WDR86: variants seen among roughly 807,000 people sequenced by gnomAD.
WDR86 encodes the protein WD repeat domain 86.
WDR86 carries 30 observed loss-of-function variants against 36.5 expected under a neutral mutation model. The ratio of observed to expected loss-of-function variants is 0.82; its 90% confidence interval spans 0.61 to 1.11. WDR86 has a LOEUF of 1.11. Among genes scored for constraint, WDR86 ranks in the 50% most tolerant of loss-of-function variants. WDR86 has a pLI of 0.00. For missense variants in WDR86, 545 were observed against 561.2 expected (o/e 0.97, Z 0.29); for synonymous variants, 255 against 252.9 (o/e 1.01, Z -0.08).
intron 1 of WDR86, among the ~76,000 whole-genome samples, chr7:151,402,071 A>AAAAAAAT (rs1800373830): frequency 4.4e-5 from 2 of 45,480 alleles, no homozygotes; most frequent in South Asian, 1.2e-3. Flanking sequence ...AAAAAAAAAA[A>AAAAAAAT]TATATATATA....
At position 151,381,994 on chromosome 7, in the gene WDR86, A is replaced by G. The variant is rs367996875; in HGVS notation, c.863-13T>C. The G allele has an allele frequency of 1.9e-6, 3 of 1,585,964 alleles. No homozygotes were observed. The highest frequency in any genetic ancestry group is 1.3e-5 in the African/African-American group (1 of 74,280). On this transcript the variant is annotated splice_polypyrimidine_tract_variant and intron_variant, in intron 4 of 5. Coordinates refer to ENST00000334493, the MANE Select transcript of WDR86 (RefSeq NM_198285.3). The surrounding 1 kb of genome is among the most constrained non-coding windows in gnomAD (Gnocchi z 4.8). ...CTGCCCGTGAACACTGCGGACACACAGCGCGCGCTGGGCCTCCCTCCCTGC... is the reference window on the plus strand; with the variant it reads ...CTGCCCGTGAACACTGCGGACACACGGCGCGCGCTGGGCCTCCCTCCCTGC...
At chr7:151,377,154 GATGAAGAAA>G, downstream of WDR86, 1 of 1,590,104 alleles carries the variant, frequency 6.3e-7, no homozygotes, top group Non-Finnish European at 8.6e-7. Flanking sequence ...AACTCTGGAA[GATGAAGAAA>G]TTATTATTGC....
At chr7:151,391,639 C>T (rs1799447922) in intron 3 of WDR86, among the ~76,000 whole-genome samples, 1 of 152,124 alleles carries the variant, frequency 6.6e-6, no homozygotes, top group South Asian at 2.1e-4. Flanking sequence ...AGGTGCCTTC[C>T]CCACCCTGTG....
chr7:151,387,087 G>A (rs1227346194), intron 3 of WDR86, among the ~76,000 whole-genome samples: 2 of 152,224 alleles, frequency 1.3e-5, no homozygotes, highest in African/African-American at 2.4e-5. Flanking sequence ...AGCCAGCCAG[G>A]CTCCCTGTGC....
At chr7:151,383,991 G>A (rs560612165) in intron 4 of WDR86, among the ~76,000 whole-genome samples, 3 of 152,206 alleles carry the variant, frequency 2.0e-5, no homozygotes, top group Non-Finnish European at 4.4e-5. Context: ...GAACAGAGCC[G>A]TAACCACACT....
rs1312472985 is a variant in WDR86 at position 151,381,758 on chromosome 7, G to A, written c.967-12C>T. 1 of 1,493,542 alleles carries A rather than the reference G, an allele frequency of 6.7e-7. No homozygotes were observed. Among genetic ancestry groups the A allele is most frequent in the South Asian group, 1.3e-5 (1 of 75,442 alleles). The allele number at this position is 1,493,542 out of a possible 1,614,324, so 92.5% of individuals were successfully genotyped here. On this transcript the variant is annotated splice_polypyrimidine_tract_variant and intron_variant, in intron 5 of 5. Transcript: ENST00000334493. The surrounding 1 kb of genome is among the most constrained non-coding windows in gnomAD (Gnocchi z 4.8). Reference sequence around the variant, plus strand: ...ACCTGGCCGTGCACCTGCGGGCGCAGGGGCGGGCGTCACCGGTGACGCGGT... The same window carrying A: ...ACCTGGCCGTGCACCTGCGGGCGCAAGGGCGGGCGTCACCGGTGACGCGGT...
At chr7:151,407,229 T>C (rs1297639546) in intron 1 of WDR86, among the ~76,000 whole-genome samples, 5 of 152,160 alleles carry the variant, frequency 3.3e-5, no homozygotes, top group African/African-American at 9.7e-5. Context: ...GCACCCTCCC[T>C]GGGAAGTGAG....
At position 151,397,784 on chromosome 7, in the gene WDR86, GGGCATAGCGGGAGGA is replaced by G. The variant is rs1174484215; in HGVS notation, c.306-1603_306-1589del. Among the ~76,000 whole-genome samples the G allele has an allele frequency of 2.2e-4, 16 of 71,412 alleles. 3 individuals carry two copies. The highest frequency in any genetic ancestry group is 4.4e-4 in the Non-Finnish European group (11 of 25,186). The allele number at this position is 71,412 out of a possible 152,430, so 46.8% of individuals were successfully genotyped here. A position where few individuals can be genotyped will look rare whatever the true frequency, so the allele number is the denominator to read the frequency against. On this transcript the variant is annotated intron_variant, in intron 2 of 5. Coordinates refer to ENST00000334493, the MANE Select transcript of WDR86 (RefSeq NM_198285.3). Reference sequence around the variant, plus strand: ...GAGGAAGAGGGCGTAGCAGGAGGAAGGGCATAGCGGGAGGAAGGGCATAGCGGGAGGAAGAGGGTG... The same window carrying G: ...GAGGAAGAGGGCGTAGCAGGAGGAAGAGGGCATAGCGGGAGGAAGAGGGTG...
At chr7:151,374,590 A>G (rs1318951212), downstream of WDR86, 2 of 353,260 alleles carry the variant, frequency 5.7e-6, no homozygotes, top group Non-Finnish European at 1.0e-5. Flanking sequence ...TTCAACTTGT[A>G]GTATAATTGT....
downstream of WDR86, among the ~76,000 whole-genome samples, chr7:151,379,695 G>C (rs1798465062): frequency 6.6e-6 from 1 of 152,214 alleles, no homozygotes; most frequent in Non-Finnish European, 1.5e-5. Context: ...AATGCAAAGT[G>C]AGTGCAGCGC....
Position 151,381,950 on chromosome 7 carries a change from C to T in WDR86, c.894G>A (p.Arg298=). 6.2e-7 allele frequency: 1 copy of T among 1,608,060 alleles called. No homozygotes were observed. The highest frequency in any genetic ancestry group is 1.1e-5 in the South Asian group (1 of 90,168). ...LFTGSGDACA[R]AFDAQSGELR... ...GCTCTCCAGACTGCGCGTCGAAGGC[C>T]CGGGCGCAAGCGTCCCCGCTGCCCG... The change falls in exon 5 of 6, where the codon CGG becomes CGA. Residue 298 remains arginine, a synonymous_variant. Coordinates refer to ENST00000334493, the MANE Select transcript of WDR86 (RefSeq NM_198285.3). The surrounding 1 kb of genome is among the most constrained non-coding windows in gnomAD (Gnocchi z 4.8).
At chr7:151,380,845 C>T (rs1245183117), downstream of WDR86, among the ~76,000 whole-genome samples, 1 of 133,346 alleles carries the variant, frequency 7.5e-6, no homozygotes, top group Admixed American at 7.2e-5. Context: ...CAGAAAATGA[C>T]ATGCCAGAAA....
At chr7:151,383,426 A>G (rs1475990100) in intron 4 of WDR86, among the ~76,000 whole-genome samples, 3 of 151,028 alleles carry the variant, frequency 2.0e-5, no homozygotes, top group African/African-American at 7.3e-5. Context: ...GTGAGCCTAG[A>G]CTGCGCCATT....
intron 3 of WDR86, among the ~76,000 whole-genome samples, chr7:151,395,067 G>A (rs140226519): frequency 0.01 from 1,543 of 152,326 alleles, 7 homozygotes; most frequent in Non-Finnish European, 0.017. Flanking sequence ...CAACGGAGAC[G>A]GGGCAGCAAC....
downstream of WDR86, among the ~76,000 whole-genome samples, chr7:151,375,152 T>G (rs930034165): frequency 6.6e-6 from 1 of 152,244 alleles, no homozygotes; most frequent in East Asian, 1.9e-4. Flanking sequence ...ATCCCTGCCC[T>G]GTTCCCCGGA....
Position 151,396,125 on chromosome 7 carries a change from T to G in WDR86, c.377A>C (p.Lys126Thr). The change falls in exon 3 of 6, where the codon AAG becomes ACG. Residue 126 changes from lysine (K) to threonine (T), a missense_variant. Physicochemically the swap from Lys to Thr is moderately conservative, Grantham distance 78 (BLOSUM62 -1). Transcript: ENST00000334493. ...DRTARVWSVD[K>T]GQMSREFRGH... is the part of the protein sequence containing the mutation. The stretch of plus-strand genomic sequence containing the variant: ...CCGGAACTCCCGGGACATCTGCCCC[T>G]TGTCCACACTCCAGACCCGAGCTGT... The G allele has an allele frequency of 1.2e-6, 2 of 1,612,896 alleles. No homozygotes were observed. Among genetic ancestry groups the G allele is most frequent in the Non-Finnish European group, 1.7e-6 (2 of 1,179,874 alleles).
rs957416652 is a variant in WDR86 at position 151,406,125 on chromosome 7, A to G, written c.163+3302T>C. 6.6e-6 allele frequency among the ~76,000 whole-genome samples: 1 copy of G among 152,194 alleles called. No homozygotes were observed. Among genetic ancestry groups the G allele is most frequent in the African/African-American group, 2.4e-5 (1 of 41,444 alleles). Reference sequence around the variant, plus strand: ...AGCCTTTTTCACTGTGAGCTCACCAACCGCATTTGAAAGGCAATTCCGTGT... The same window carrying G: ...AGCCTTTTTCACTGTGAGCTCACCAGCCGCATTTGAAAGGCAATTCCGTGT... On this transcript the variant is annotated intron_variant, in intron 1 of 5. Transcript: ENST00000334493. The surrounding 1 kb of genome is among the most constrained non-coding windows in gnomAD (Gnocchi z 4.4).
Position 151,387,864 on chromosome 7 carries a change from A to G in WDR86, c.727-2641T>C, listed in dbSNP as rs572491212. ...AGTCTTGGGTTCAAATCCTGCCTCCACCCCTCAGCAGATGTGAGACGTGGC... is the reference window on the plus strand; with the variant it reads ...AGTCTTGGGTTCAAATCCTGCCTCCGCCCCTCAGCAGATGTGAGACGTGGC... On this transcript the variant is annotated intron_variant, in intron 3 of 5. Coordinates refer to ENST00000334493, the MANE Select transcript of WDR86 (RefSeq NM_198285.3). Among the ~76,000 whole-genome samples the G allele has an allele frequency of 9.9e-5, 15 of 152,232 alleles. No individual in the cohort carries two copies. The South Asian group carries it at 3.1e-3, about 32-fold the overall frequency.
intron 3 of WDR86, among the ~76,000 whole-genome samples, chr7:151,392,505 A>T (rs1345640895): frequency 1.3e-5 from 2 of 151,928 alleles, no homozygotes; most frequent in Non-Finnish European, 2.9e-5. Flanking sequence ...GAAGCCCCCT[A>T]CCCGGGGGGT....
Sources: gnomAD v4.1 joint callset for allele counts (sites outside exome capture counted in the v4.1 genomes callset) on GRCh38, gnomAD v4.1.1 for gene constraint, Gnocchi (gnomAD v3.1) non-coding constraint, MANE v1.5 for transcripts, NCBI Gene and HGNC (gene_info 2026-07-23, HGNC 2026-07-21) for gene names.